CNBD1: variants seen among roughly 807,000 people sequenced by gnomAD.
CNBD1 encodes cyclic nucleotide-binding domain-containing protein 1.
In CNBD1, 71 loss-of-function variants were observed where a neutral mutation model predicts 54.4. That is an observed-to-expected ratio of 1.30 (90% CI 1.08 to 1.59). The LOEUF is 1.59. Ranked by LOEUF, CNBD1 falls within the 40% of genes most tolerant of loss-of-function variation. CNBD1 has a pLI of 0.00. For missense variants in CNBD1, 659 were observed against 518.0 expected (o/e 1.27, Z -2.64); for synonymous variants, 182 against 170.7 (o/e 1.07, Z -0.51).
chr8:87,079,017 C>T (rs1431915280), intron 4 of CNBD1, among the ~76,000 whole-genome samples: 4 of 151,822 alleles, frequency 2.6e-5, no homozygotes, highest in Admixed American at 2.6e-4. Context: ...AGTCTATCCC[C>T]CCCTTTTTTT....
chr8:87,349,883 C>T (rs1488667584), intron 8 of CNBD1, among the ~76,000 whole-genome samples: 5 of 152,166 alleles, frequency 3.3e-5, no homozygotes, highest in African/African-American at 9.7e-5. Context: ...TTTGTCTTGA[C>T]TTCAACACAA....
intron 4 of CNBD1, among the ~76,000 whole-genome samples, chr8:87,101,545 A>G (rs1460761266): frequency 6.6e-6 from 1 of 152,138 alleles, no homozygotes; most frequent in African/African-American, 2.4e-5. Context: ...CAAAACCGTA[A>G]TTGGAGACTT....
At chr8:87,150,418 A>G (rs1812580677) in intron 4 of CNBD1, among the ~76,000 whole-genome samples, 1 of 152,162 alleles carries the variant, frequency 6.6e-6, no homozygotes, top group Non-Finnish European at 1.5e-5. Flanking sequence ...GCTAAACCAT[A>G]TTAGATTAAT....
chr8:87,081,108 A>G (rs1383333134), intron 4 of CNBD1, among the ~76,000 whole-genome samples: 1 of 151,060 alleles, frequency 6.6e-6, no homozygotes, highest in East Asian at 1.9e-4. Flanking sequence ...ATTGATTTGG[A>G]ACTTTTATTG....
chr8:87,402,276 G>A, intron 2 of CNBD1, among the ~76,000 whole-genome samples: 1 of 151,958 alleles, frequency 6.6e-6, no homozygotes, highest in African/African-American at 2.4e-5. Flanking sequence ...GATTATGGGA[G>A]CTATAAGTCA....
At chr8:87,277,060 G>C (rs7845218) in intron 6 of CNBD1, among the ~76,000 whole-genome samples, 42,401 of 150,772 alleles carry the variant, frequency 0.28, 6,381 homozygotes, top group African/African-American at 0.39. Context: ...GCTGAATCAT[G>C]ATGGGTCATT....
chr8:87,250,818 G>A (rs1807901030), intron 6 of CNBD1, among the ~76,000 whole-genome samples: 1 of 152,180 alleles, frequency 6.6e-6, no homozygotes, highest in Non-Finnish European at 1.5e-5. Flanking sequence ...TTTGTCAGAG[G>A]CAGAGAAAGA....
At chr8:87,393,607 G>C (rs1428560845) in intron 2 of CNBD1, among the ~76,000 whole-genome samples, 2 of 151,822 alleles carry the variant, frequency 1.3e-5, no homozygotes, top group Non-Finnish European at 2.9e-5. Flanking sequence ...AAAATAAAAA[G>C]TAAGTGACAA....
At chr8:87,397,324 T>G (rs1416243211) in intron 2 of CNBD1, among the ~76,000 whole-genome samples, 1 of 151,942 alleles carries the variant, frequency 6.6e-6, no homozygotes. Flanking sequence ...ACTTTCCTAG[T>G]TAGTGTGCTT....
rs549268493 is a variant in CNBD1 at position 87,411,984 on chromosome 8, T to G, written c.214-16562T>G. On this transcript the variant is annotated intron_variant, in intron 2 of 7. Coordinates refer to the CNBD1 transcript ENST00000521593. ...TTTTTGTTTTTCTTATTACTACAAC[T>G]GAATGAAATTTTCTAGGGATTACCT... Among the ~76,000 whole-genome samples, 9 of 152,168 alleles carry G rather than the reference T, an allele frequency of 5.9e-5. No individual in the cohort carries two copies. In the South Asian group the frequency reaches 8.3e-4, roughly 14 times the overall value.
intron 6 of CNBD1, among the ~76,000 whole-genome samples, chr8:87,266,840 C>G (rs1416854310): frequency 6.6e-6 from 1 of 152,120 alleles, no homozygotes; most frequent in Admixed American, 6.5e-5. Context: ...GTTATACAGA[C>G]AGAAAAGATA....
intron 4 of CNBD1, among the ~76,000 whole-genome samples, chr8:87,199,113 G>A (rs1268408621): frequency 6.6e-6 from 1 of 152,152 alleles, no homozygotes; most frequent in African/African-American, 2.4e-5. Flanking sequence ...CCATTTGTGA[G>A]GAATCCACTC....
chr8:86,882,675 T>C (rs1808622557), intron 1 of CNBD1, among the ~76,000 whole-genome samples: 1 of 152,122 alleles, frequency 6.6e-6, no homozygotes, highest in Admixed American at 6.5e-5. Flanking sequence ...TTTGGGTATA[T>C]ACCCAAATGA....
At chr8:86,898,157 C>T (rs921661446) in intron 2 of CNBD1, among the ~76,000 whole-genome samples, 6 of 152,010 alleles carry the variant, frequency 3.9e-5, no homozygotes, top group African/African-American at 1.4e-4. Flanking sequence ...ACAAAGACCA[C>T]ACACGTAAAC....
intron 4 of CNBD1, among the ~76,000 whole-genome samples, chr8:86,961,459 C>T (rs1347605140): frequency 6.6e-6 from 1 of 152,238 alleles, no homozygotes; most frequent in Non-Finnish European, 1.5e-5. Flanking sequence ...CTTTCCTATT[C>T]AACAGTAAAC....
chr8:87,298,332 C>T (rs527883615), intron 8 of CNBD1, among the ~76,000 whole-genome samples: 135 of 152,076 alleles, frequency 8.9e-4, no homozygotes, highest in Admixed American at 1.8e-3. Flanking sequence ...TGCTTAGGTT[C>T]CCAGGGCAAA....
intron 4 of CNBD1, among the ~76,000 whole-genome samples, chr8:87,081,781 C>T (rs1005944990): frequency 3.3e-5 from 5 of 152,086 alleles, no homozygotes; most frequent in Non-Finnish European, 7.4e-5. Flanking sequence ...GCTGGGATTA[C>T]ATGCATGAGC....
intron 3 of CNBD1, among the ~76,000 whole-genome samples, chr8:86,907,250 C>T (rs1809031481): frequency 6.6e-6 from 1 of 152,180 alleles, no homozygotes; most frequent in Admixed American, 6.5e-5. Flanking sequence ...TATCATATCC[C>T]TGTATTGTCA....
intron 6 of CNBD1, among the ~76,000 whole-genome samples, chr8:87,275,544 A>T (rs1407921267): frequency 6.6e-6 from 1 of 151,856 alleles, no homozygotes; most frequent in Non-Finnish European, 1.5e-5. Flanking sequence ...AAAAACTCTC[A>T]ATAAATTAGG....
Sources: allele counts gnomAD v4.1 joint callset (sites outside exome capture counted in the v4.1 genomes callset), GRCh38; gene constraint gnomAD v4.1.1; transcripts MANE v1.5; gene names NCBI Gene and HGNC (gene_info 2026-07-23, HGNC 2026-07-21).